The following WAPL variants were observed in gnomAD, a reference collection of about 807,000 sequenced individuals.
WAPL encodes the protein WAPL cohesin release factor, also known as wings apart-like protein homolog.
A neutral mutation model predicts 121.0 loss-of-function variants in WAPL; 5 were observed. The observed-to-expected ratio is 0.04, with a 90% CI of 0.02 to 0.09. The LOEUF is 0.09. WAPL is among the 10% of genes least tolerant of loss of function. The pLI is 1.00. For synonymous variants in WAPL, 480 were observed against 481.5 expected (o/e 1.00, Z 0.04); for missense variants, 999 against 1,410.8 (o/e 0.71, Z 4.68).
intron 4 of WAPL, among the ~76,000 whole-genome samples, chr10:86,492,919 G>T (rs573616847): frequency 5.1e-4 from 77 of 152,118 alleles, no homozygotes; most frequent in African/African-American, 1.5e-3. Flanking sequence ...AAATTAGCCG[G>T]GTGTGGTGGT....
intron 2 of WAPL, among the ~76,000 whole-genome samples, chr10:86,512,959 C>A (rs1162455460): frequency 6.6e-6 from 1 of 151,924 alleles, no homozygotes; most frequent in Non-Finnish European, 1.5e-5. Flanking sequence ...CCCTGCAGTA[C>A]CTATTCAGTT....
At chr10:86,490,990 G>A (rs1321219056) in intron 4 of WAPL, among the ~76,000 whole-genome samples, 14 of 151,566 alleles carry the variant, frequency 9.2e-5, no homozygotes, top group African/African-American at 3.4e-4. Flanking sequence ...TTGAACCCAG[G>A]AGGCGGAGGT....
intron 5 of WAPL, among the ~76,000 whole-genome samples, chr10:86,473,208 C>CATATA (rs2132193882): frequency 6.6e-6 from 1 of 152,218 alleles, no homozygotes; most frequent in South Asian, 2.1e-4. Context: ...TATATTACTA[C>CATATA]TAATATACAA....
intron 8 of WAPL, among the ~76,000 whole-genome samples, chr10:86,468,966 T>C (rs1466228278): frequency 1.3e-5 from 2 of 151,974 alleles, no homozygotes; most frequent in Non-Finnish European, 2.9e-5. Flanking sequence ...TAGCTGGGCA[T>C]GGTGACGCAC....
At chr10:86,471,128 G>C (rs2288361) in intron 7 of WAPL, 25 bp from the exon 8 acceptor site, 123,404 of 1,600,912 alleles carry the variant, frequency 0.077, 5,387 homozygotes, top group African/African-American at 0.17. Context: ...AGCAGGTTAG[G>C]GGGGCTGGAA....
intron 2 of WAPL, among the ~76,000 whole-genome samples, chr10:86,514,939 C>A (rs867208459): frequency 6.6e-6 from 1 of 152,152 alleles, no homozygotes; most frequent in Non-Finnish European, 1.5e-5. Flanking sequence ...GCCCACCCAC[C>A]CCACACTGTA....
At chr10:86,505,304 T>C (rs1409844949) in intron 2 of WAPL, among the ~76,000 whole-genome samples, 1 of 130,974 alleles carries the variant, frequency 7.6e-6, no homozygotes, top group Non-Finnish European at 1.7e-5. Flanking sequence ...CCAACTCTTT[T>C]TTTTTTTTTT....
Position 86,499,772 on chromosome 10 carries a change from G to T in WAPL, c.1471C>A (p.Pro491Thr), listed in dbSNP as rs766280052. The T allele has an allele frequency of 1.1e-5, 17 of 1,604,394 alleles. No individual in the cohort carries two copies. In the African/African-American group the frequency reaches 2.0e-4, roughly 19 times the overall value. The change falls in exon 3 of 19, where the codon CCC becomes ACC. Residue 491 changes from proline (P) to threonine (T), a missense_variant. This residue lies in a region of WAPL where 531 missense variants were observed against 563.1 expected (regional missense o/e 0.94). Coordinates refer to ENST00000298767, the MANE Select transcript of WAPL (RefSeq NM_015045.5). ...TGGGAATTATCATTGCTTTCTGGGG[G>T]AGGCTGCAAGGAGGGTGATGGAGCT... ...KTAPSPSLQP[P>T]PESNDNSQDS...
chr10:86,483,547 T>A (rs879763250), intron 4 of WAPL, among the ~76,000 whole-genome samples: 1 of 152,074 alleles, frequency 6.6e-6, no homozygotes, highest in East Asian at 1.9e-4. Flanking sequence ...TAGAATATAC[T>A]CCTTCTACTT....
rs1319716042 is a variant in WAPL, at chr10:86,472,934, A to G, written c.1741-170T>C. ...AGAAATACTTTGAATTCCATGCACT[A>G]ACAGGTAAGACATATGTATATCTGC... On this transcript the variant is annotated intron_variant, in intron 5 of 18. Transcript: ENST00000298767. This position sits in a 1 kb window ranked among gnomAD's most constrained non-coding sequence, Gnocchi z 4.2. Among the ~76,000 whole-genome samples, 7 of 152,242 alleles carry G rather than the reference A, an allele frequency of 4.6e-5. No homozygotes were observed. Among genetic ancestry groups the G allele is most frequent in the Non-Finnish European group, 1.0e-4 (7 of 68,034 alleles).
intron 1 of WAPL, among the ~76,000 whole-genome samples, chr10:86,520,072 G>C (rs1016825654): frequency 6.6e-6 from 1 of 152,246 alleles, no homozygotes; most frequent in Non-Finnish European, 1.5e-5. Context: ...AAGACGGGCA[G>C]ATCACCTGAG....
chr10:86,517,982 T>G lies in WAPL; in HGVS notation c.88A>C (p.Thr30Pro). Residue 30 changes from threonine to proline, a missense_variant, in exon 2 of 19, where the codon ACC becomes CCC. Physicochemically the swap from Thr to Pro is conservative, Grantham distance 38. Around this residue, in one of 7 missense-constraint regions of WAPL, gnomAD observed 30 missense variants for 56.4 expected, o/e 0.53. Coordinates refer to ENST00000298767, the MANE Select transcript of WAPL (RefSeq NM_015045.5). Reference protein sequence around the residue: ...FDEVFSNKRTTLSTKWGETTF... With the variant: ...FDEVFSNKRTPLSTKWGETTF... ...GTCTCTCCCCATTTTGTGCTAAGGGTAGTCCGTTTGTTGGAAAAGACTTCA... is the reference window on the plus strand; with the variant it reads ...GTCTCTCCCCATTTTGTGCTAAGGGGAGTCCGTTTGTTGGAAAAGACTTCA... 6.2e-7 allele frequency: 1 copy of G among 1,614,220 alleles called. No individual in the cohort carries two copies.
At chr10:86,469,501 A>C (rs1000370853) in intron 8 of WAPL, among the ~76,000 whole-genome samples, 1 of 151,854 alleles carries the variant, frequency 6.6e-6, no homozygotes, top group Non-Finnish European at 1.5e-5. Context: ...CAATCTGCCC[A>C]CCTCAGCCTC....
intron 1 of WAPL, among the ~76,000 whole-genome samples, 167 bp downstream of exon 1, chr10:86,521,198 G>A (rs1232565161): frequency 2.0e-5 from 3 of 152,200 alleles, no homozygotes; most frequent in Non-Finnish European, 4.4e-5. Flanking sequence ...TCCGAAAAAG[G>A]AAAATAAAAG....
chr10:86,493,310 A>G (rs1222046750), intron 4 of WAPL, among the ~76,000 whole-genome samples: 1 of 152,042 alleles, frequency 6.6e-6, no homozygotes, highest in Non-Finnish European at 1.5e-5. Context: ...TTACTTTCAA[A>G]TAAGACCATA....
chr10:86,488,012 T>C (rs1438946314), intron 4 of WAPL, among the ~76,000 whole-genome samples: 1 of 152,150 alleles, frequency 6.6e-6, no homozygotes, highest in Non-Finnish European at 1.5e-5. Context: ...GTGAGGAAGA[T>C]GGTCAGCATA....
At chr10:86,445,958 C>A (rs1849606797) in intron 16 of WAPL, among the ~76,000 whole-genome samples, 1 of 152,124 alleles carries the variant, frequency 6.6e-6, no homozygotes, top group African/African-American at 2.4e-5. Context: ...ATTATGTCTC[C>A]TATATGTCTC....
At chr10:86,474,375 C>A (rs1273250751) in intron 4 of WAPL, among the ~76,000 whole-genome samples, 3 of 151,988 alleles carry the variant, frequency 2.0e-5, no homozygotes, top group Admixed American at 6.6e-5. Flanking sequence ...ATTAGCTGGG[C>A]ATGGTGGCAG....
At chr10:86,474,513 CAA>C (rs11380209) in intron 4 of WAPL, among the ~76,000 whole-genome samples, 2 of 130,074 alleles carry the variant, frequency 1.5e-5, no homozygotes, top group East Asian at 2.4e-4. Context: ...GACTCCGTCT[CAA>C]AAAAAAAAAA....
Sources: gnomAD v4.1 joint callset for allele counts (sites outside exome capture counted in the v4.1 genomes callset) on GRCh38, gnomAD v4.1.1 for gene constraint, gnomAD v4.1.1 regional missense constraint, Gnocchi (gnomAD v3.1) non-coding constraint, MANE v1.5 for transcripts, NCBI Gene and HGNC (gene_info 2026-07-23, HGNC 2026-07-21) for gene names.